The following ACAD10 variants were observed in gnomAD, a reference collection of about 807,000 sequenced individuals.
ACAD10 encodes the protein ACAD-10.
In ACAD10, 112 loss-of-function variants were observed where a neutral mutation model predicts 116.8. The observed-to-expected ratio is 0.96, with a 90% CI of 0.82 to 1.12. The LOEUF is 1.12. ACAD10 is among the 50% of genes most tolerant of loss of function. The pLI is 0.00. For synonymous variants in ACAD10, 486 were observed against 510.6 expected (o/e 0.95, Z 0.65); for missense variants, 1,259 against 1,350.2 (o/e 0.93, Z 1.06).
At chr12:111,732,000 G>A (rs1477518306) in intron 10 of ACAD10, among the ~76,000 whole-genome samples, 4 of 152,184 alleles carry the variant, frequency 2.6e-5, no homozygotes, top group Admixed American at 2.6e-4. Flanking sequence ...AGAATCACTT[G>A]AACCCGGGAG....
At chr12:111,715,606 A>C in intron 6 of ACAD10, 1 of 547,998 alleles carries the variant, frequency 1.8e-6, no homozygotes, top group Non-Finnish European at 3.2e-6. Context: ...GCCTTTGACA[A>C]ACTGTAGTGG....
At chr12:111,688,842 G>A (rs1364201056) in intron 1 of ACAD10, among the ~76,000 whole-genome samples, 2 of 151,736 alleles carry the variant, frequency 1.3e-5, no homozygotes, top group East Asian at 1.9e-4. Context: ...AGTGCAGCTC[G>A]CTGCCAGCAC....
At position 111,709,693 on chromosome 12, in the gene ACAD10, C is replaced by G. The variant is rs1194767787; in HGVS notation, c.690+9C>G. On this transcript the variant is annotated intron_variant, in intron 5 of 20. Coordinates refer to ENST00000313698, the MANE Select transcript of ACAD10 (RefSeq NM_025247.6). ...GTATTCACACCATTAAGGTAATAGT[C>G]ACTAATTTTTGAACTCCCTCCCATG... 6.2e-7 allele frequency: 1 copy of G among 1,600,826 alleles called. No individual in the cohort carries two copies. The highest frequency in any genetic ancestry group is 8.5e-7 in the Non-Finnish European group (1 of 1,175,242).
At chr12:111,723,059 C>T (rs1889071614) in intron 8 of ACAD10, among the ~76,000 whole-genome samples, 1 of 141,572 alleles carries the variant, frequency 7.1e-6, no homozygotes, top group Non-Finnish European at 1.5e-5. Flanking sequence ...GCTGGCCGGG[C>T]AGAGGGGCTC....
At chr12:111,733,876 C>G (rs553093887) in intron 10 of ACAD10, 47 bp from the exon 11 acceptor site, 2 of 1,611,734 alleles carry the variant, frequency 1.2e-6, no homozygotes, top group Admixed American at 3.3e-5. Flanking sequence ...TCCACCCTAG[C>G]CGGCAGTTTT....
At chr12:111,723,565 C>A (rs1229477148) in intron 8 of ACAD10, among the ~76,000 whole-genome samples, 1 of 144,534 alleles carries the variant, frequency 6.9e-6, no homozygotes, top group African/African-American at 2.6e-5. Flanking sequence ...CCCCTCACCT[C>A]CCGGACGGGG....
At chr12:111,751,420 C>T (rs143924598) in intron 18 of ACAD10, among the ~76,000 whole-genome samples, 3 of 152,220 alleles carry the variant, frequency 2.0e-5, no homozygotes, top group Non-Finnish European at 2.9e-5. Flanking sequence ...CTGGGCAATA[C>T]GGCAAAACCT....
chr12:111,733,564 A>T (rs1889462025), intron 10 of ACAD10, among the ~76,000 whole-genome samples: 1 of 151,872 alleles, frequency 6.6e-6, no homozygotes, highest in African/African-American at 2.4e-5. Context: ...CAAGCATTAG[A>T]CTCTACCTTT....
intron 8 of ACAD10, among the ~76,000 whole-genome samples, chr12:111,724,031 C>T (rs891527811): frequency 7.3e-5 from 11 of 151,138 alleles, no homozygotes; most frequent in Admixed American, 4.6e-4. Context: ...GATGTGATGG[C>T]GGCCGGGAAG....
chr12:111,690,024 A>G (rs559847812), intron 1 of ACAD10, among the ~76,000 whole-genome samples: 4 of 152,166 alleles, frequency 2.6e-5, no homozygotes, highest in Non-Finnish European at 5.9e-5. Context: ...CTTACTTCGA[A>G]TATTTTCTAT....
chr12:111,711,223 C>T (rs569471341), intron 5 of ACAD10, among the ~76,000 whole-genome samples: 20 of 152,240 alleles, frequency 1.3e-4, no homozygotes, highest in African/African-American at 1.7e-4. Context: ...GTTGTTGAGA[C>T]GGAGTCTCAT....
intron 8 of ACAD10, among the ~76,000 whole-genome samples, chr12:111,723,836 G>A (rs1343732158): frequency 3.3e-5 from 5 of 151,578 alleles, no homozygotes; most frequent in South Asian, 2.1e-4. Context: ...CAGACGGGGC[G>A]GTTGCCAGGC....
At chr12:111,726,420 T>C (rs2135971463) in intron 8 of ACAD10, among the ~76,000 whole-genome samples, 1 of 152,288 alleles carries the variant, frequency 6.6e-6, no homozygotes, top group Admixed American at 6.5e-5. Context: ...AAGGGATACT[T>C]ATTGAACCCT....
chr12:111,721,001 C>G (rs1039472464), intron 7 of ACAD10, among the ~76,000 whole-genome samples: 2 of 151,792 alleles, frequency 1.3e-5, no homozygotes. Context: ...CCAGGGTGGT[C>G]TTGAACTCTT....
At position 111,715,787 on chromosome 12, in the gene ACAD10, C is replaced by G. The variant is rs750958714; in HGVS notation, c.851-34C>G. 20 of 1,613,764 alleles carry G rather than the reference C, an allele frequency of 1.2e-5. No homozygotes were observed. In the African/African-American group the frequency reaches 2.5e-4, roughly 20 times the overall value. On this transcript the variant is annotated intron_variant, in intron 6 of 20. Coordinates refer to ENST00000313698, the MANE Select transcript of ACAD10 (RefSeq NM_025247.6). ...GTCTGCTCAGATCTGTCCTCCAGGG[C>G]TGGTTTGAGTTTTCTTTGTTTTCAA... is the stretch of plus-strand genomic sequence containing the variant.
intron 7 of ACAD10, among the ~76,000 whole-genome samples, chr12:111,717,346 CAAAAA>C (rs779938001): frequency 3.9e-5 from 3 of 76,850 alleles, no homozygotes; most frequent in Non-Finnish European, 2.8e-5. Context: ...GACCCTGTCT[CAAAAA>C]AAAAAAAAAA....
intron 6 of ACAD10, 74 bp downstream of exon 6, chr12:111,712,731 C>G: frequency 3.3e-6 from 5 of 1,501,570 alleles, no homozygotes; most frequent in East Asian, 4.5e-5. Context: ...ACTTTTCAAC[C>G]CTAATGGAAT....
intron 3 of ACAD10, among the ~76,000 whole-genome samples, chr12:111,704,688 C>CTTTCTT (rs554829011): frequency 4.7e-4 from 59 of 126,138 alleles, no homozygotes; most frequent in African/African-American, 1.5e-3. Flanking sequence ...TTCTTTCTTT[C>CTTTCTT]TTTTTTTTTT....
At chr12:111,700,874 T>G (rs1888330928) in intron 2 of ACAD10, among the ~76,000 whole-genome samples, 1 of 148,478 alleles carries the variant, frequency 6.7e-6, no homozygotes, top group Non-Finnish European at 1.5e-5. Flanking sequence ...TCCTTCCACC[T>G]CAGTTTCCCG....
Sources: gnomAD v4.1 joint callset for allele counts (sites outside exome capture counted in the v4.1 genomes callset) on GRCh38, gnomAD v4.1.1 for gene constraint, MANE v1.5 for transcripts, NCBI Gene and HGNC (gene_info 2026-07-23, HGNC 2026-07-21) for gene names.